Variants in SHISA6 observed in about 807,000 individuals in gnomAD.
SHISA6 encodes the protein protein shisa-6.
SHISA6 carries 22 observed loss-of-function variants against 47.9 expected under a neutral mutation model. The observed-to-expected ratio is 0.46, with a 90% CI of 0.33 to 0.66. The LOEUF is 0.66. Ranked by LOEUF, SHISA6 falls within the 30% of genes least tolerant of loss-of-function variation. The pLI is 0.02. For missense variants in SHISA6, 680 were observed against 764.6 expected (o/e 0.89, Z 1.30); for synonymous variants, 388 against 337.8 (o/e 1.15, Z -1.63).
intron 3 of SHISA6, among the ~76,000 whole-genome samples, chr17:11,490,591 A>G (rs1916450718): frequency 1.3e-5 from 2 of 152,132 alleles, no homozygotes; most frequent in Non-Finnish European, 2.9e-5. Context: ...CTGAGCCCAC[A>G]TGCGCTACTA....
chr17:11,246,995 C>T (rs1344281724), intron 1 of SHISA6, among the ~76,000 whole-genome samples: 6 of 152,196 alleles, frequency 3.9e-5, no homozygotes, highest in Non-Finnish European at 8.8e-5. Context: ...CCTTTCTCCC[C>T]TCTTACCCTA....
At chr17:11,311,293 A>AC in intron 2 of SHISA6, among the ~76,000 whole-genome samples, 1 of 144,204 alleles carries the variant, frequency 6.9e-6, no homozygotes, top group South Asian at 2.4e-4. Context: ...AAAAAAAAAA[A>AC]AAAAAAACCG....
chr17:11,503,383 G>T (rs1203434369), intron 3 of SHISA6, among the ~76,000 whole-genome samples: 1 of 151,838 alleles, frequency 6.6e-6, no homozygotes, highest in African/African-American at 2.4e-5. Context: ...GATATTTCCA[G>T]CAAGGCTGGA....
At chr17:11,377,027 G>C (rs1053992885) in intron 2 of SHISA6, among the ~76,000 whole-genome samples, 1 of 152,218 alleles carries the variant, frequency 6.6e-6, no homozygotes, top group Non-Finnish European at 1.5e-5. Flanking sequence ...TGTCCCAATG[G>C]ATGGCTTTGA....
chr17:11,250,844 G>T (rs979554794), intron 1 of SHISA6, among the ~76,000 whole-genome samples: 1 of 152,138 alleles, frequency 6.6e-6, no homozygotes, highest in Non-Finnish European at 1.5e-5. Context: ...CAGAGTTGGA[G>T]AGAACTGGAG....
At chr17:11,488,104 T>C (rs1230694362) in intron 3 of SHISA6, among the ~76,000 whole-genome samples, 1 of 152,184 alleles carries the variant, frequency 6.6e-6, no homozygotes, top group Non-Finnish European at 1.5e-5. Context: ...CAAACTTCCC[T>C]GACTTGATAG....
At chr17:11,359,203 T>C (rs1045803391) in intron 2 of SHISA6, among the ~76,000 whole-genome samples, 2 of 152,220 alleles carry the variant, frequency 1.3e-5, no homozygotes, top group African/African-American at 4.8e-5. Context: ...CTGTCATGTT[T>C]AAGCATGTCT....
intron 3 of SHISA6, among the ~76,000 whole-genome samples, chr17:11,485,590 CG>C (rs1567618372): frequency 6.6e-6 from 1 of 152,034 alleles, no homozygotes; most frequent in African/African-American, 2.4e-5. Context: ...GACGGCCACG[CG>C]CACTGAGTGA....
chr17:11,398,592 G>GT (rs1239514139), intron 3 of SHISA6, among the ~76,000 whole-genome samples: 1 of 150,134 alleles, frequency 6.7e-6, no homozygotes, highest in Non-Finnish European at 1.5e-5. Flanking sequence ...TTGTTTGCTT[G>GT]TTTTTTTGTT....
Position 11,263,432 on chromosome 17 carries a change from C to T in SHISA6, c.705C>T (p.Ile235=). The change falls in exon 2 of 6, where the codon ATC becomes ATT. Residue 235 remains isoleucine, a synonymous_variant. Transcript: ENST00000441885. ...TAGCACACTGTGAAAGAGAAACTAT[C>T]TCGGCTATCGATACCTCTCCCAAAG... ...IPIAHCERET[I]SAIDTSPKEN... The T allele has an allele frequency of 6.4e-7, 1 of 1,551,974 alleles. No individual in the cohort carries two copies. Among genetic ancestry groups the T allele is most frequent in the Non-Finnish European group, 8.7e-7 (1 of 1,147,076 alleles).
rs71142217 is a variant in SHISA6 at position 11,532,739 on chromosome 17, C to CTTTTT, written c.896-19136_896-19132dup. On this transcript the variant is annotated intron_variant, in intron 3 of 5. Coordinates refer to ENST00000441885, the MANE Select transcript of SHISA6 (RefSeq NM_207386.4). ...CATGCCTTTCCCCATTCTATCAGGGCTTTTTTTTTTTTTTTTTTTTTTTTT... is the reference window on the plus strand; with the variant it reads ...CATGCCTTTCCCCATTCTATCAGGGCTTTTTTTTTTTTTTTTTTTTTTTTTTTTTT... 8.5e-3 allele frequency among the ~76,000 whole-genome samples: 604 copies of CTTTTT among 71,238 alleles called. 1 individual carries two copies. The highest frequency in any genetic ancestry group is 9.1e-3 in the Non-Finnish European group (377 of 41,540). 46.7% of individuals were successfully genotyped at this position (71,238 alleles called of 152,430 possible). A position where few individuals can be genotyped will look rare whatever the true frequency, so the allele number is the denominator to read the frequency against.
intron 3 of SHISA6, among the ~76,000 whole-genome samples, chr17:11,391,583 G>A (rs1469384501): frequency 1.3e-5 from 2 of 152,102 alleles, no homozygotes; most frequent in Non-Finnish European, 2.9e-5. Context: ...TTCTCAGCAC[G>A]ACTGTCCCCG....
At chr17:11,555,037 G>A (rs1056261188) in intron 4 of SHISA6, among the ~76,000 whole-genome samples, 3 of 152,166 alleles carry the variant, frequency 2.0e-5, no homozygotes, top group African/African-American at 4.8e-5. Flanking sequence ...TCAGGGGAAG[G>A]AAGGAGAAAG....
Position 11,548,660 on chromosome 17 carries a change from A to G in SHISA6, c.896-3236A>G, listed in dbSNP as rs114762970. ...AGTTATTGGGCTAAGGAAATGAGAC[A>G]TCGCTAAAGATGTGTGCTCAGGGTT... On this transcript the variant is annotated intron_variant, in intron 3 of 5. Transcript: ENST00000441885. Among the ~76,000 whole-genome samples the G allele has an allele frequency of 2.7e-3, 411 of 152,260 alleles. 1 individual carries two copies. Among genetic ancestry groups the G allele is most frequent in the African/African-American group, 9.6e-3 (397 of 41,568 alleles).
chr17:11,536,613 C>T (rs1236381911), intron 3 of SHISA6, among the ~76,000 whole-genome samples: 1 of 152,264 alleles, frequency 6.6e-6, no homozygotes, highest in East Asian at 1.9e-4. Flanking sequence ...AATCCCACTT[C>T]AGAGGGAATA....
At position 11,390,441 on chromosome 17, in the gene SHISA6, A is replaced by G. The variant is rs560883300; in HGVS notation, c.895+10932A>G. ...GCTGTAGAATCTTACCCCTCAAAGG[A>G]TGATGCACAGACCAGCCATTGGGCT... On this transcript the variant is annotated intron_variant, in intron 3 of 5. Transcript: ENST00000441885. Among the ~76,000 whole-genome samples the G allele has an allele frequency of 3.3e-5, 5 of 152,244 alleles. No individual in the cohort carries two copies. The East Asian group carries it at 9.7e-4, about 29-fold the overall frequency.
intron 4 of SHISA6, among the ~76,000 whole-genome samples, chr17:11,554,183 T>G (rs1161740721): frequency 6.6e-6 from 1 of 152,178 alleles, no homozygotes; most frequent in Non-Finnish European, 1.5e-5. Flanking sequence ...GAGTGGCTAT[T>G]ACTCCCTCTG....
At chr17:11,300,646 G>T (rs1051252901) in intron 2 of SHISA6, among the ~76,000 whole-genome samples, 1 of 150,702 alleles carries the variant, frequency 6.6e-6, no homozygotes, top group African/African-American at 2.4e-5. Context: ...CTTTTTGCCA[G>T]TTTAGGACTT....
At chr17:11,489,061 G>A (rs74729831) in intron 3 of SHISA6, among the ~76,000 whole-genome samples, 5,903 of 152,174 alleles carry the variant, frequency 0.039, 213 homozygotes, top group Middle Eastern at 0.14. Context: ...TTCTAGGCTA[G>A]GCAAGATGTC....
Sources: allele counts gnomAD v4.1 joint callset (sites outside exome capture counted in the v4.1 genomes callset), GRCh38; gene constraint gnomAD v4.1.1; transcripts MANE v1.5; gene names NCBI Gene and HGNC (gene_info 2026-07-23, HGNC 2026-07-21).